KIR2DL1: variants seen among roughly 807,000 people sequenced by gnomAD.
The protein encoded by KIR2DL1 is killer cell immunoglobulin like receptor, two Ig domains and long cytoplasmic tail 1.
In KIR2DL1, 38 loss-of-function variants were observed where a neutral mutation model predicts 33.9. The observed-to-expected ratio is 1.12, with a 90% CI of 0.86 to 1.47. The LOEUF (loss-of-function observed/expected upper bound fraction) is 1.47. Among genes scored for constraint, KIR2DL1 ranks in the 40% most tolerant of loss-of-function variants. The pLI, the probability that KIR2DL1 is intolerant of heterozygous loss-of-function variation, is 0.00. For synonymous variants in KIR2DL1, 179 were observed against 165.9 expected (o/e 1.08, Z -0.61); for missense variants, 531 against 433.9 (o/e 1.22, Z -1.99).
At chr19:54,783,450 C>A (rs375025361) in intron 6 of KIR2DL1, 36 bp from the exon 7 acceptor site, 18 of 1,608,460 alleles carry the variant, frequency 1.1e-5, no homozygotes, top group African/African-American at 1.3e-5. Context: ...CCAGAAGTGC[C>A]CTCCGAGCTG....
At chr19:54,776,727 G>A (rs1342230323) in intron 4 of KIR2DL1, among the ~76,000 whole-genome samples, 4 of 142,594 alleles carry the variant, frequency 2.8e-5, no homozygotes, top group Non-Finnish European at 4.6e-5. Flanking sequence ...TGCAACCTCC[G>A]CCTCCTGGGT....
In KIR2DL1 at chr19:54,772,600, G is replaced by A. The variant is rs1424831350; in HGVS notation, c.71-733G>A. On this transcript the variant is annotated intron_variant, in intron 2 of 7. Transcript: ENST00000336077. ...GGTGCATGTAATCCTAGCGACTTGGGAGGCTGAGGGCAGGAGAATCACTTG... is the reference window on the plus strand; with the variant it reads ...GGTGCATGTAATCCTAGCGACTTGGAAGGCTGAGGGCAGGAGAATCACTTG... 2.7e-5 allele frequency among the ~76,000 whole-genome samples: 4 copies of A among 146,370 alleles called. No individual in the cohort carries two copies. The East Asian group carries it at 7.8e-4, about 29-fold the overall frequency.
chr19:54,779,149 A>C (rs1305588704), intron 5 of KIR2DL1, among the ~76,000 whole-genome samples: 1 of 147,930 alleles, frequency 6.8e-6, no homozygotes, highest in African/African-American at 2.5e-5. Context: ...CGACTCACTG[A>C]CTCATTCAGC....
intron 1 of KIR2DL1, 148 bp from the exon 2 acceptor site, chr19:54,770,701 C>T (rs1439740453): frequency 2.5e-6 from 3 of 1,190,604 alleles, no homozygotes; most frequent in Non-Finnish European, 3.7e-6. Flanking sequence ...AGCCGACAGC[C>T]CTGTTCTTGG....
chr19:54,774,236 G>A lies in KIR2DL1; in HGVS notation c.370+604G>A, dbSNP rs1330472677. 4.7e-5 allele frequency among the ~76,000 whole-genome samples: 7 copies of A among 148,582 alleles called. 1 individual carries two copies. The highest frequency in any genetic ancestry group is 1.5e-4 in the African/African-American group (6 of 40,802). On this transcript the variant is annotated intron_variant, in intron 3 of 7. Transcript: ENST00000336077. Reference sequence around the variant, plus strand: ...CCACTTATGAGAGGATCAGTGAGAGGCACAGAGAGAAATCAGGGACACCAA... The same window carrying A: ...CCACTTATGAGAGGATCAGTGAGAGACACAGAGAGAAATCAGGGACACCAA...
chr19:54,783,125 C>T, intron 6 of KIR2DL1, 102 bp downstream of exon 6: 10 of 1,363,328 alleles, frequency 7.3e-6, no homozygotes, highest in Non-Finnish European at 1.0e-5. Flanking sequence ...GGTCCCTGGC[C>T]CAAGGCAGCA....
chr19:54,778,311 T>C (rs1480551483), intron 4 of KIR2DL1, among the ~76,000 whole-genome samples: 1 of 149,656 alleles, frequency 6.7e-6, no homozygotes, highest in African/African-American at 2.4e-5. Flanking sequence ...ATATCTGTGT[T>C]ATTCATTCTG....
intron 4 of KIR2DL1, among the ~76,000 whole-genome samples, chr19:54,777,865 T>G (rs2984170): frequency 0.32 from 39,475 of 122,272 alleles, 5,710 homozygotes; most frequent in South Asian, 0.45. Context: ...ACAGGTAGAG[T>G]TGCAGTTTCA....
chr19:54,782,077 C>G (rs2077027095), intron 5 of KIR2DL1, among the ~76,000 whole-genome samples: 1 of 151,968 alleles, frequency 6.6e-6, no homozygotes, highest in African/African-American at 2.4e-5. Flanking sequence ...GACCCAGTCC[C>G]TCAAGGCTCA....
chr19:54,781,667 G>C (rs1480037351), intron 5 of KIR2DL1, among the ~76,000 whole-genome samples: 1 of 151,956 alleles, frequency 6.6e-6, no homozygotes, highest in East Asian at 1.9e-4. Flanking sequence ...CAGCCTCTCG[G>C]GTAGAACAGC....
intron 2 of KIR2DL1, among the ~76,000 whole-genome samples, chr19:54,772,881 T>C (rs2075906251): frequency 7.0e-6 from 1 of 143,590 alleles, no homozygotes; most frequent in African/African-American, 2.6e-5. Context: ...ATGGCAAGAG[T>C]GGCTCCCAGT....
At chr19:54,780,100 C>T (rs1254674956) in intron 5 of KIR2DL1, 1 of 522,942 alleles carries the variant, frequency 1.9e-6, no homozygotes, top group East Asian at 2.8e-5. Context: ...GAGGATGTTT[C>T]ACCACGTTGG....
Position 54,783,802 on chromosome 19 carries a change from T to C in KIR2DL1, c.1036T>C (p.Ser346Pro). ...PNAESRSKVV[S>P]CP ...TGCTGAGTCCAGATCCAAAGTTGTC[T>C]CCTGCCCATGAGCACCACAGTCAGG... The change falls in exon 8 of 8, where the codon TCC becomes CCC. Residue 346 changes from serine (S) to proline (P), a missense_variant. Coordinates refer to ENST00000336077, the MANE Select transcript of KIR2DL1 (RefSeq NM_014218.3). The C allele has an allele frequency of 1.2e-6, 2 of 1,613,992 alleles. No individual in the cohort carries two copies. The highest frequency in any genetic ancestry group is 2.2e-5 in the South Asian group (2 of 91,076).
In KIR2DL1 at chr19:54,783,815, C is replaced by T. The variant is rs561467273; in HGVS notation, c.*2C>T. On this transcript the variant is annotated 3_prime_UTR_variant, in exon 8 of 8. Transcript: ENST00000336077. The stretch of plus-strand genomic sequence containing the variant: ...TCCAAAGTTGTCTCCTGCCCATGAG[C>T]ACCACAGTCAGGCCTTGAGGGCGTC... The T allele has an allele frequency of 1.2e-6, 2 of 1,614,008 alleles. No individual in the cohort carries two copies. The highest frequency in any genetic ancestry group is 2.2e-5 in the East Asian group (1 of 44,888).
chr19:54,774,629 ATAG>A (rs2076118703), intron 3 of KIR2DL1, among the ~76,000 whole-genome samples: 1 of 97,888 alleles, frequency 1.0e-5, no homozygotes, highest in Admixed American at 1.2e-4. Context: ...ATGAAGACAG[ATAG>A]ATAGATAATA....
At chr19:54,783,121 T>C (rs1448779118) in intron 6 of KIR2DL1, 98 bp downstream of exon 6, 5 of 1,401,944 alleles carry the variant, frequency 3.6e-6, no homozygotes, top group Non-Finnish European at 5.0e-6. Context: ...GGATGGTCCC[T>C]GGCCCAAGGC....
At position 54,783,601 on chromosome 19, in the gene KIR2DL1, A is replaced by T. The variant is rs1166001662; in HGVS notation, c.871-36A>T. On this transcript the variant is annotated intron_variant, in intron 7 of 7. Coordinates refer to ENST00000336077, the MANE Select transcript of KIR2DL1 (RefSeq NM_014218.3). Reference sequence around the variant, plus strand: ...TTCCCAAAGAGTCCTGGAAAATGTGAGCACCCTCCCTCACTCAGCATTTCC... The same window carrying T: ...TTCCCAAAGAGTCCTGGAAAATGTGTGCACCCTCCCTCACTCAGCATTTCC... 3.1e-6 allele frequency: 5 copies of T among 1,613,792 alleles called. No homozygotes were observed. The Admixed American group carries it at 6.7e-5, about 22-fold the overall frequency.
chr19:54,770,830 T>C lies in KIR2DL1; in HGVS notation c.35-19T>C, dbSNP rs1349486922. On this transcript the variant is annotated intron_variant, in intron 1 of 7. Transcript: ENST00000336077. Reference sequence around the variant, plus strand: ...GGTTTGCCTGCAGATGGGTCATCCATCATGATCTTTCTTTCCAGGGTTCTT... The same window carrying C: ...GGTTTGCCTGCAGATGGGTCATCCACCATGATCTTTCTTTCCAGGGTTCTT... 1.0e-5 allele frequency: 16 copies of C among 1,583,958 alleles called. No homozygotes were observed. In the South Asian group the frequency reaches 1.1e-4, roughly 11 times the overall value.
intron 2 of KIR2DL1, among the ~76,000 whole-genome samples, chr19:54,771,571 C>T (rs1324904377): frequency 1.4e-5 from 2 of 144,938 alleles, no homozygotes; most frequent in South Asian, 4.4e-4. Context: ...AGGGGCGGCT[C>T]CACATCCTCC....
Sources: gnomAD v4.1 joint callset for allele counts (sites outside exome capture counted in the v4.1 genomes callset) on GRCh38, gnomAD v4.1.1 for gene constraint, MANE v1.5 for transcripts, NCBI Gene and HGNC (gene_info 2026-07-23, HGNC 2026-07-21) for gene names.